MECOM: variants seen among roughly 807,000 people sequenced by gnomAD.
The protein encoded by MECOM is MDS1 and EVI1 complex locus.
Under a neutral mutation model 116.3 loss-of-function variants are expected in MECOM, and 13 were observed. The ratio of observed to expected loss-of-function variants is 0.11; its 90% CI spans 0.07 to 0.18. MECOM has a LOEUF of 0.18. Among genes scored for constraint, MECOM ranks in the 10% least tolerant of loss-of-function variants. The pLI is 1.00. For synonymous variants in MECOM, 528 were observed against 535.2 expected (o/e 0.99, Z 0.19); for missense variants, 1,299 against 1,509.0 (o/e 0.86, Z 2.31).
intron 2 of MECOM, among the ~76,000 whole-genome samples, chr3:169,199,536 C>T (rs528367288): frequency 6.6e-6 from 1 of 152,172 alleles, no homozygotes; most frequent in South Asian, 2.1e-4. Flanking sequence ...GCCTAAGCCT[C>T]TTGAAGTGCT....
intron 1 of MECOM, among the ~76,000 whole-genome samples, chr3:169,582,049 T>C (rs1353021270): frequency 6.6e-6 from 1 of 152,202 alleles, no homozygotes; most frequent in Non-Finnish European, 1.5e-5. Context: ...TTTGGTAAAT[T>C]AGTTGGCATT....
At chr3:169,304,168 T>C (rs994291089) in intron 2 of MECOM, among the ~76,000 whole-genome samples, 2 of 152,248 alleles carry the variant, frequency 1.3e-5, no homozygotes, top group African/African-American at 4.8e-5. Context: ...CAGAAAATAC[T>C]TTTAATAGTT....
chr3:169,511,474 T>C (rs1321431911), intron 1 of MECOM, among the ~76,000 whole-genome samples: 1 of 152,188 alleles, frequency 6.6e-6, no homozygotes, highest in Non-Finnish European at 1.5e-5. Flanking sequence ...TTAAAAAGTA[T>C]TTTTAGGCCA....
At chr3:169,325,143 C>G (rs1019036137) in intron 2 of MECOM, among the ~76,000 whole-genome samples, 2 of 152,026 alleles carry the variant, frequency 1.3e-5, no homozygotes, top group African/African-American at 4.8e-5. Context: ...ACAGAAGCAC[C>G]CCGAGGTGGA....
At chr3:169,287,859 C>T (rs575563769) in intron 2 of MECOM, among the ~76,000 whole-genome samples, 2 of 152,236 alleles carry the variant, frequency 1.3e-5, no homozygotes, top group Admixed American at 6.5e-5. Context: ...ACATGCATTC[C>T]GCCCACGTTG....
At chr3:169,356,631 G>A (rs908654868) in intron 2 of MECOM, among the ~76,000 whole-genome samples, 2 of 151,824 alleles carry the variant, frequency 1.3e-5, no homozygotes, top group South Asian at 4.2e-4. Flanking sequence ...TGAGACTCTG[G>A]TACTTATTAT....
rs766247998 is a variant in MECOM, at chr3:169,107,927, C to A, written c.2603G>T (p.Trp868Leu). Residue 868 changes from tryptophan (W) to leucine (L), a missense_variant and splice_region_variant, in exon 10 of 17, where the codon TGG becomes TTG. This residue lies in a region of MECOM where 340 missense variants were observed against 312.6 expected (regional missense o/e 1.09). Coordinates refer to ENST00000651503, the MANE Select transcript of MECOM (RefSeq NM_004991.4). The stretch of plus-strand genomic sequence containing the variant: ...CAAAAATATAAGTAGGAAACTTACC[C>A]AAGTTCTCTGATCAGGCAGTTGGAA... ...PQFQLPDQRT[W>L]MSAIENMAEK... The A allele has an allele frequency of 6.2e-7, 1 of 1,612,184 alleles. No individual in the cohort carries two copies. The highest frequency in any genetic ancestry group is 8.5e-7 in the Non-Finnish European group (1 of 1,179,090).
At position 169,145,185 on chromosome 3, in the gene MECOM, CACACAG is replaced by C. The variant is rs780688838; in HGVS notation, c.376-1359_376-1354del. ...ACACACACACACACACACACACACA[CACACAG>C]AGAGAAATCAAACTCTTCTTTTTCA... On this transcript the variant is annotated intron_variant, in intron 2 of 16. Coordinates refer to ENST00000651503, the MANE Select transcript of MECOM (RefSeq NM_004991.4). The C allele has an allele frequency of 4.4e-3, 326 of 73,376 alleles. 5 individuals carry two copies. The highest frequency in any genetic ancestry group is 8.3e-3 in the Admixed American group (47 of 5,694). 4.5% of individuals were successfully genotyped at this position (73,376 alleles called of 1,614,324 possible). A position where few individuals can be genotyped will look rare whatever the true frequency, so the allele number is the denominator to read the frequency against.
At chr3:169,555,020 T>A (rs1761863381) in intron 1 of MECOM, among the ~76,000 whole-genome samples, 1 of 152,248 alleles carries the variant, frequency 6.6e-6, no homozygotes, top group South Asian at 2.1e-4. Context: ...GGTGGCCAGA[T>A]CTTTAACTTC....
intron 2 of MECOM, among the ~76,000 whole-genome samples, chr3:169,313,061 G>A (rs1719099822): frequency 6.6e-6 from 1 of 152,184 alleles, no homozygotes; most frequent in Non-Finnish European, 1.5e-5. Flanking sequence ...GAGACAACCA[G>A]TGAAATAAGA....
At chr3:169,320,108 G>A (rs751364619) in intron 2 of MECOM, among the ~76,000 whole-genome samples, 20 of 152,162 alleles carry the variant, frequency 1.3e-4, no homozygotes, top group South Asian at 2.1e-4. Context: ...CTTTTAAGAC[G>A]TGTGACGATG....
chr3:169,375,834 C>A (rs1730935315), intron 2 of MECOM, among the ~76,000 whole-genome samples: 1 of 151,574 alleles, frequency 6.6e-6, no homozygotes, highest in African/African-American at 2.4e-5. Context: ...TTTTATGAGG[C>A]CAGCATCATC....
chr3:169,100,859 A>T (rs1723350332), intron 12 of MECOM, 26 bp downstream of exon 12: 1 of 1,349,598 alleles, frequency 7.4e-7, no homozygotes, highest in Middle Eastern at 1.9e-4. Context: ...ATTTATCAAG[A>T]TATTTAGCAA....
At chr3:169,392,953 C>T (rs1200356917) in intron 1 of MECOM, among the ~76,000 whole-genome samples, 3 of 152,114 alleles carry the variant, frequency 2.0e-5, no homozygotes, top group Non-Finnish European at 4.4e-5. Flanking sequence ...TGAAACATTG[C>T]CACATGTTCT....
At chr3:169,260,989 G>A (rs1757460452) in intron 2 of MECOM, among the ~76,000 whole-genome samples, 1 of 152,094 alleles carries the variant, frequency 6.6e-6, no homozygotes, top group Non-Finnish European at 1.5e-5. Context: ...ATACAAGAAA[G>A]GAACAATGAA....
intron 1 of MECOM, among the ~76,000 whole-genome samples, chr3:169,395,145 C>T (rs1734832675): frequency 6.6e-6 from 1 of 151,932 alleles, no homozygotes; most frequent in African/African-American, 2.4e-5. Context: ...CAAGAGAGCC[C>T]AAGTATGAAA....
chr3:169,599,237 C>T (rs1169525011), intron 1 of MECOM, among the ~76,000 whole-genome samples: 1 of 152,094 alleles, frequency 6.6e-6, no homozygotes, highest in Non-Finnish European at 1.5e-5. Context: ...AGCATAAGGC[C>T]GGGCACGGTG....
At chr3:169,568,025 C>T (rs1763435955) in intron 1 of MECOM, among the ~76,000 whole-genome samples, 1 of 152,086 alleles carries the variant, frequency 6.6e-6, no homozygotes, top group African/African-American at 2.4e-5. Flanking sequence ...GTACCCAGCT[C>T]ATCTCATTGG....
chr3:169,452,912 C>T (rs1163909388), intron 1 of MECOM, among the ~76,000 whole-genome samples: 1 of 152,162 alleles, frequency 6.6e-6, no homozygotes, highest in Non-Finnish European at 1.5e-5. Flanking sequence ...CATATTTTTC[C>T]ATAGCTTTCA....
Sources: allele counts gnomAD v4.1 joint callset (sites outside exome capture counted in the v4.1 genomes callset), GRCh38; gene constraint gnomAD v4.1.1; regional missense constraint gnomAD v4.1.1; transcripts MANE v1.5; gene names NCBI Gene and HGNC (gene_info 2026-07-23, HGNC 2026-07-21).